The following COMMD8 variants were observed in gnomAD, a reference collection of about 807,000 sequenced individuals.
COMMD8 encodes COMM domain-containing protein 8.
In COMMD8, 28 loss-of-function variants were observed where a neutral mutation model predicts 27.2. That is an observed-to-expected ratio of 1.03 (90% CI 0.76 to 1.41). COMMD8 has a LOEUF of 1.41. Among genes scored for constraint, COMMD8 ranks in the 40% most tolerant of loss-of-function variants. The pLI is 0.00. For missense variants in COMMD8, 217 were observed against 211.2 expected (o/e 1.03, Z -0.17); for synonymous variants, 79 against 75.5 (o/e 1.05, Z -0.24).
intron 2 of COMMD8, among the ~76,000 whole-genome samples, chr4:47,457,098 T>G (rs543175839): frequency 6.6e-6 from 1 of 152,276 alleles, no homozygotes; most frequent in East Asian, 1.9e-4. Context: ...ATTTTTTGAG[T>G]AGGGATGCTG....
intron 3 of COMMD8, among the ~76,000 whole-genome samples, chr4:47,454,729 G>A (rs1207852573): frequency 2.0e-5 from 3 of 151,798 alleles, no homozygotes; most frequent in Non-Finnish European, 4.4e-5. Flanking sequence ...GCCAGGCGTG[G>A]TGGCACATGC....
intron 1 of COMMD8, among the ~76,000 whole-genome samples, chr4:47,461,879 T>C (rs1730035191): frequency 6.6e-6 from 1 of 152,202 alleles, no homozygotes; most frequent in African/African-American, 2.4e-5. Flanking sequence ...CAAATACATG[T>C]AATTTAGAAT....
intron 4 of COMMD8, among the ~76,000 whole-genome samples, chr4:47,452,676 T>G (rs890291854): frequency 6.6e-6 from 1 of 152,212 alleles, no homozygotes; most frequent in Non-Finnish European, 1.5e-5. Context: ...AAAAGTGAAC[T>G]ATGAGTCTAG....
At chr4:47,460,854 C>G (rs1233613937) in intron 1 of COMMD8, among the ~76,000 whole-genome samples, 1 of 152,076 alleles carries the variant, frequency 6.6e-6, no homozygotes, top group East Asian at 1.9e-4. Context: ...TACTTTTTTC[C>G]TTTTTTTACT....
intron 3 of COMMD8, 78 bp from the exon 4 acceptor site, chr4:47,453,292 A>G: frequency 8.3e-7 from 1 of 1,211,938 alleles, no homozygotes; most frequent in Non-Finnish European, 1.2e-6. Flanking sequence ...GTTAGTTAGC[A>G]GTACATTTTT....
At position 47,451,631 on chromosome 4, in the gene COMMD8, T is replaced by G; in HGVS notation, c.*14A>C. 1 of 1,582,886 alleles carries G rather than the reference T, an allele frequency of 6.3e-7. No homozygotes were observed. The highest frequency in any genetic ancestry group is 1.1e-5 in the South Asian group (1 of 87,788). ...GCAATAAAATCTGATAGGACTGGTA[T>G]TCATCATTTCCAGTTATTTCAACTG... is the stretch of plus-strand genomic sequence containing the variant. On this transcript the variant is annotated 3_prime_UTR_variant, in exon 5 of 5. Coordinates refer to ENST00000381571, the MANE Select transcript of COMMD8 (RefSeq NM_017845.5).
At chr4:47,461,709 A>G (rs976097925) in intron 1 of COMMD8, among the ~76,000 whole-genome samples, 3 of 152,208 alleles carry the variant, frequency 2.0e-5, no homozygotes, top group Admixed American at 6.5e-5. Context: ...TATAATAGCT[A>G]CCGTTATGGA....
chr4:47,459,092 A>C (rs1255178683), intron 2 of COMMD8, among the ~76,000 whole-genome samples: 1 of 152,126 alleles, frequency 6.6e-6, no homozygotes, highest in African/African-American at 2.4e-5. Context: ...TCTTCAGCAC[A>C]AATATTTCTG....
chr4:47,459,511 A>G (rs2109357264), intron 2 of COMMD8, among the ~76,000 whole-genome samples: 1 of 152,288 alleles, frequency 6.6e-6, no homozygotes, highest in African/African-American at 2.4e-5. Flanking sequence ...AGCAATGACT[A>G]TTCATTAGTC....
chr4:47,458,811 C>A (rs546772176), intron 2 of COMMD8, among the ~76,000 whole-genome samples: 33 of 151,946 alleles, frequency 2.2e-4, no homozygotes, highest in African/African-American at 7.7e-4. Flanking sequence ...ATAGCATTGG[C>A]AAATATACAA....
chr4:47,452,649 T>A (rs1166179248), intron 4 of COMMD8, among the ~76,000 whole-genome samples: 3 of 152,140 alleles, frequency 2.0e-5, no homozygotes, highest in Non-Finnish European at 4.4e-5. Context: ...ACATAAAACA[T>A]CTGGAGAAAA....
At chr4:47,454,736 A>G (rs1296909420) in intron 3 of COMMD8, among the ~76,000 whole-genome samples, 1 of 151,768 alleles carries the variant, frequency 6.6e-6, no homozygotes, top group East Asian at 2.0e-4. Flanking sequence ...GTGGTGGCAC[A>G]TGCCTGTAAT....
chr4:47,463,442 GACCA>G, intron 1 of COMMD8, 140 bp downstream of exon 1: 1 of 764,342 alleles, frequency 1.3e-6, no homozygotes, highest in East Asian at 2.8e-5. Flanking sequence ...GGAAGGCGGG[GACCA>G]ACCACCCGAA....
chr4:47,460,091 G>A, intron 2 of COMMD8, 53 bp downstream of exon 2: 7 of 1,497,574 alleles, frequency 4.7e-6, no homozygotes, highest in Non-Finnish European at 6.4e-6. Context: ...AAAACTCAGA[G>A]AGAAACCTGA....
At chr4:47,459,908 T>C in intron 2 of COMMD8, 1 of 357,148 alleles carries the variant, frequency 2.8e-6, no homozygotes, top group Non-Finnish European at 5.0e-6. Flanking sequence ...TGAATGTAGG[T>C]GTCAGTTATA....
chr4:47,463,299 T>A (rs558794419), intron 1 of COMMD8, among the ~76,000 whole-genome samples: 7 of 152,222 alleles, frequency 4.6e-5, no homozygotes, highest in Non-Finnish European at 7.3e-5. Flanking sequence ...AGAAAACGTA[T>A]ACTAAGAGGC....
chr4:47,457,705 A>G (rs1231478958), intron 2 of COMMD8, among the ~76,000 whole-genome samples: 1 of 152,132 alleles, frequency 6.6e-6, no homozygotes, highest in Admixed American at 6.5e-5. Context: ...ATGTGTGAAA[A>G]TTAAGTAGCA....
intron 4 of COMMD8, among the ~76,000 whole-genome samples, chr4:47,452,319 T>C (rs1181196028): frequency 6.6e-6 from 1 of 152,230 alleles, no homozygotes; most frequent in African/African-American, 2.4e-5. Context: ...ACAAGTCAGA[T>C]TCTGTCTTCC....
chr4:47,454,863 T>TCA (rs1313889476), intron 3 of COMMD8, among the ~76,000 whole-genome samples: 6 of 24,774 alleles, frequency 2.4e-4, no homozygotes, highest in Non-Finnish European at 2.8e-4. Context: ...AAACTCCATC[T>TCA]CAAAAAAAAA....
Sources: allele counts gnomAD v4.1 joint callset (sites outside exome capture counted in the v4.1 genomes callset), GRCh38; gene constraint gnomAD v4.1.1; transcripts MANE v1.5; gene names NCBI Gene and HGNC (gene_info 2026-07-23, HGNC 2026-07-21).